ANKHD1: variants seen among roughly 807,000 people sequenced by gnomAD.
ANKHD1 encodes ankyrin repeat and KH domain containing 1.
In ANKHD1, 31 loss-of-function variants were observed where a neutral mutation model predicts 230.5. That is an observed-to-expected ratio of 0.13 (90% CI 0.10 to 0.18). ANKHD1 has a LOEUF of 0.18. ANKHD1 is among the 10% of genes least tolerant of loss of function. The pLI is 1.00. For missense variants in ANKHD1, 2,256 were observed against 3,071.3 expected, an observed-to-expected ratio of 0.73 and a Z score of 6.27; for synonymous variants, 1,074 against 1,117.6, an observed-to-expected ratio of 0.96 and a Z score of 0.78.
chr5:140,408,482 A>T (rs1433117837), intron 1 of ANKHD1, among the ~76,000 whole-genome samples: 1 of 152,222 alleles, frequency 6.6e-6, no homozygotes, highest in Non-Finnish European at 1.5e-5. Flanking sequence ...ATTTACAATT[A>T]TATAAAAGCA....
chr5:140,419,790 C>G lies in ANKHD1; in HGVS notation c.307-16314C>G, dbSNP rs968927690. Among the ~76,000 whole-genome samples the G allele has an allele frequency of 1.6e-3, 209 of 132,428 alleles. 1 individual carries two copies. Among genetic ancestry groups the G allele is most frequent in the Non-Finnish European group, 2.7e-3 (175 of 63,896 alleles). The allele number at this position is 132,428 out of a possible 152,430, so 86.9% of individuals were successfully genotyped here. Reference sequence around the variant, plus strand: ...TTCCTTTCTTTTTCTTTCTTTCTTTCTTTCTTTCTTTCTTTCTTTCTTTCT... The same window carrying G: ...TTCCTTTCTTTTTCTTTCTTTCTTTGTTTCTTTCTTTCTTTCTTTCTTTCT... On this transcript the variant is annotated intron_variant, in intron 1 of 33. Transcript: ENST00000360839.
Position 140,537,572 on chromosome 5 carries a change from G to C in ANKHD1, c.7211G>C (p.Gly2404Ala). The C allele has an allele frequency of 6.3e-7, 1 of 1,590,402 alleles. No individual in the cohort carries two copies. Among genetic ancestry groups the C allele is most frequent in the Non-Finnish European group, 8.6e-7 (1 of 1,168,074 alleles). The change falls in exon 31 of 34, where the codon GGT becomes GCT. Residue 2404 changes from glycine to alanine, a missense_variant. Gly to Ala is a moderately conservative substitution (Grantham distance 60). Around this residue, in one of 13 missense-constraint regions of ANKHD1, gnomAD observed 778 missense variants for 966.5 expected, o/e 0.80. Transcript: ENST00000360839. ...GGACACAGTGGAATCTGGTCATTTG[G>C]TGTCAATGCTGTGTCAGGTACAATT... ...PVGHSGIWSF[G>A]VNAVSEGLSG...
intron 1 of ANKHD1, among the ~76,000 whole-genome samples, chr5:140,405,863 C>T (rs957527055): frequency 3.3e-5 from 5 of 151,990 alleles, no homozygotes; most frequent in Non-Finnish European, 7.4e-5. Flanking sequence ...AAACTTCTGG[C>T]CTCAAGTGAT....
intron 2 of ANKHD1, 69 bp downstream of exon 2, chr5:140,436,326 T>A: frequency 7.5e-7 from 1 of 1,326,202 alleles, no homozygotes; most frequent in Non-Finnish European, 9.7e-7. Context: ...TTACATGAGA[T>A]TATCCCCAAA....
At chr5:140,516,065 G>A (rs1320324293) in intron 24 of ANKHD1, among the ~76,000 whole-genome samples, 1 of 152,076 alleles carries the variant, frequency 6.6e-6, no homozygotes, top group African/African-American at 2.4e-5. Flanking sequence ...TTAGAAGATT[G>A]TATAACTAGA....
chr5:140,402,767 A>G (rs916840738), intron 1 of ANKHD1, among the ~76,000 whole-genome samples: 1 of 151,970 alleles, frequency 6.6e-6, no homozygotes, highest in Admixed American at 6.6e-5. Flanking sequence ...CTCCCTCTTC[A>G]GTTTGAGACA....
intron 1 of ANKHD1, among the ~76,000 whole-genome samples, chr5:140,427,399 C>CA (rs1554084795): frequency 2.2e-5 from 2 of 91,768 alleles, no homozygotes; most frequent in African/African-American, 4.4e-5. Flanking sequence ...CCCTCCCCGA[C>CA]GGGCGGCTGG....
At chr5:140,426,405 A>G (rs1772410814) in intron 1 of ANKHD1, among the ~76,000 whole-genome samples, 1 of 152,180 alleles carries the variant, frequency 6.6e-6, no homozygotes, top group Admixed American at 6.5e-5. Context: ...CTGGGGTTAC[A>G]AGGTGTGAGC....
Position 140,526,993 on chromosome 5 carries a change from G to A in ANKHD1, c.5006G>A (p.Ser1669Asn). ...TSYKTVSLPL[S>N]SPNIKLNLTS... ...TACAAGACAGTGTCATTGCCATTAA[G>A]CTCTCCAAACATAAAGCTGAATCTC... The change falls in exon 27 of 34, where the codon AGC becomes AAC. Residue 1669 changes from serine (S) to asparagine (N), a missense_variant. Physicochemically the swap from Ser to Asn is conservative, Grantham distance 46 (BLOSUM62 1). Transcript: ENST00000360839. 6.2e-7 allele frequency: 1 copy of A among 1,613,790 alleles called. No homozygotes were observed. The highest frequency in any genetic ancestry group is 8.5e-7 in the Non-Finnish European group (1 of 1,179,860).
In ANKHD1 at chr5:140,535,362, G is replaced by A. The variant is rs1249261321; in HGVS notation, c.6851G>A (p.Gly2284Glu). The A allele has an allele frequency of 6.3e-7, 1 of 1,587,172 alleles. No individual in the cohort carries two copies. The highest frequency in any genetic ancestry group is 8.5e-7 in the Non-Finnish European group (1 of 1,170,268). ...PSQRVSTSPV[G>E]LPSIDPSGSS... ...ATGTCTTGGACCTGTTTTATTTCAG[G>A]GTTACCATCCATTGACCCATCAGGC... The change falls in exon 30 of 34, where the codon GGG becomes GAG. Residue 2284 changes from glycine to glutamate, a missense_variant and splice_region_variant. Gly to Glu is a moderately conservative substitution (Grantham distance 98). Transcript: ENST00000360839.
chr5:140,462,650 G>A (rs1021789948), intron 9 of ANKHD1, among the ~76,000 whole-genome samples: 2 of 148,874 alleles, frequency 1.3e-5, no homozygotes, highest in Admixed American at 6.8e-5. Flanking sequence ...GCGTGAACCC[G>A]AGAGGCAGAG....
chr5:140,460,158 A>T (rs1775599165), intron 9 of ANKHD1, among the ~76,000 whole-genome samples: 1 of 152,080 alleles, frequency 6.6e-6, no homozygotes, highest in African/African-American at 2.4e-5. Flanking sequence ...AAAAAGTGGG[A>T]ATTAATTTAT....
intron 31 of ANKHD1, 86 bp from the exon 32 acceptor site, chr5:140,538,000 T>G: frequency 6.7e-7 from 1 of 1,499,056 alleles, no homozygotes; most frequent in Non-Finnish European, 8.9e-7. Context: ...TCAGTAACAT[T>G]TGGTCATGTT....
chr5:140,483,629 G>C (rs1471873607), intron 11 of ANKHD1, among the ~76,000 whole-genome samples: 1 of 151,574 alleles, frequency 6.6e-6, no homozygotes, highest in Non-Finnish European at 1.5e-5. Flanking sequence ...GGCTAATTTT[G>C]TATTTTTAGT....
At position 140,527,877 on chromosome 5, in the gene ANKHD1, A is replaced by G; in HGVS notation, c.5092A>G (p.Lys1698Glu). The stretch of plus-strand genomic sequence containing the variant: ...TGTGTATTCTTCATTTTATAGGTCA[A>G]AGAAATTGTCTGTTCCAGCCTCAGT... ...EGWKEVVRRS[K>E]KLSVPASVVS... The change falls in exon 28 of 34, where the codon AAG becomes GAG. Residue 1698 changes from lysine to glutamate, a missense_variant. Transcript: ENST00000360839. This position sits in a 1 kb window ranked among gnomAD's most constrained non-coding sequence, Gnocchi z 4.5. 6.2e-7 allele frequency: 1 copy of G among 1,612,478 alleles called. No homozygotes were observed. Among genetic ancestry groups the G allele is most frequent in the Non-Finnish European group, 8.5e-7 (1 of 1,179,372 alleles).
intron 1 of ANKHD1, among the ~76,000 whole-genome samples, chr5:140,402,964 CTTTTTTTTTTTTTT>C (rs56939861): frequency 1.4e-5 from 1 of 73,944 alleles, no homozygotes; most frequent in African/African-American, 5.2e-5. Flanking sequence ...GAAACCTCTT[CTTTTTTTTTTTTTT>C]TTTTTTTTTT....
At chr5:140,419,454 CTT>C (rs144115557) in intron 1 of ANKHD1, among the ~76,000 whole-genome samples, 3 of 131,598 alleles carry the variant, frequency 2.3e-5, no homozygotes, top group Non-Finnish European at 4.8e-5. Flanking sequence ...TTCTTTCTTT[CTT>C]TTTTTTTTTT....
At position 140,401,888 on chromosome 5, in the gene ANKHD1, G is replaced by C. The variant is rs777511860; in HGVS notation, c.-80G>C. ...GGGAAAGGAGACGCTTCTTCCTCTT[G>C]CTGCTCTTCTCGTTCCCGAGATCAG... On this transcript the variant is annotated 5_prime_UTR_variant, in exon 1 of 34. Transcript: ENST00000360839. 2.7e-6 allele frequency: 4 copies of C among 1,484,182 alleles called. No homozygotes were observed. The highest frequency in any genetic ancestry group is 2.6e-5 in the East Asian group (1 of 38,026). The allele number at this position is 1,484,182 out of a possible 1,614,324, so 91.9% of individuals were successfully genotyped here. A position where few individuals can be genotyped will look rare whatever the true frequency, so the allele number is the denominator to read the frequency against.
chr5:140,488,601 T>A (rs1751615297), intron 14 of ANKHD1, among the ~76,000 whole-genome samples: 1 of 140,484 alleles, frequency 7.1e-6, no homozygotes, highest in Non-Finnish European at 1.6e-5. Context: ...AAAAAAAAAA[T>A]CATAAAAAAA....
Sources: gnomAD v4.1 joint callset for allele counts (sites outside exome capture counted in the v4.1 genomes callset) on GRCh38, gnomAD v4.1.1 for gene constraint, gnomAD v4.1.1 regional missense constraint, Gnocchi (gnomAD v3.1) non-coding constraint, MANE v1.5 for transcripts, NCBI Gene and HGNC (gene_info 2026-07-23, HGNC 2026-07-21) for gene names.